Variants in HK1 observed in about 807,000 individuals in gnomAD.
HK1 encodes hexokinase 1.
In HK1, 28 loss-of-function variants were observed where a neutral mutation model predicts 91.6. That is an observed-to-expected ratio of 0.31 (90% CI 0.23 to 0.42). The LOEUF is 0.42. Ranked by LOEUF, HK1 falls within the 10% of genes least tolerant of loss-of-function variation. The pLI, the probability that HK1 is intolerant of heterozygous loss-of-function variation, is 1.00. For missense variants in HK1, 770 were observed against 1,219.8 expected, an observed-to-expected ratio of 0.63 and a Z score of 5.49; for synonymous variants, 430 against 468.1, an observed-to-expected ratio of 0.92 and a Z score of 1.05.
At chr10:69,309,726 G>A (rs1251201543) in intron 5 of HK1, among the ~76,000 whole-genome samples, 8 of 151,008 alleles carry the variant, frequency 5.3e-5, no homozygotes, top group African/African-American at 1.5e-4. Flanking sequence ...ACCTGAACCC[G>A]GGAGGCGGAA....
At chr10:69,317,041 G>T (rs573540178), upstream of HK1, among the ~76,000 whole-genome samples, 2 of 152,170 alleles carry the variant, frequency 1.3e-5, no homozygotes, top group Admixed American at 6.5e-5. Context: ...AGGTTTTGTT[G>T]GGCTTGAAAA....
chr10:69,389,466 T>TG, intron 14 of HK1, 170 bp downstream of exon 14: 6 of 192,912 alleles, frequency 3.1e-5, no homozygotes, highest in East Asian at 3.1e-4. Context: ...GCAGAGTCTC[T>TG]GGCGGGGGGA....
chr10:69,300,410 G>T (rs1244708387), intron 4 of HK1: 4 of 628,456 alleles, frequency 6.4e-6, no homozygotes, highest in East Asian at 3.1e-5. Context: ...CATTTTATTT[G>T]TAAATATGTA....
chr10:69,385,003 C>A, intron 12 of HK1, 88 bp downstream of exon 12: 1 of 1,417,064 alleles, frequency 7.1e-7, no homozygotes. Flanking sequence ...CTTCTCCAGC[C>A]TCAGTGTCAT....
chr10:69,281,012 A>T (rs1249537480), intron 1 of HK1, among the ~76,000 whole-genome samples: 1 of 152,052 alleles, frequency 6.6e-6, no homozygotes, highest in Non-Finnish European at 1.5e-5. Flanking sequence ...ATAGCTGCAG[A>T]CTCTTATCAG....
At chr10:69,370,546 C>T (rs1849945013) in intron 7 of HK1, among the ~76,000 whole-genome samples, 1 of 152,144 alleles carries the variant, frequency 6.6e-6, no homozygotes, top group Non-Finnish European at 1.5e-5. Context: ...TCATTCATCA[C>T]ATATTTATTG....
chr10:69,310,185 C>G (rs2132532475), intron 5 of HK1, among the ~76,000 whole-genome samples: 1 of 150,836 alleles, frequency 6.6e-6, no homozygotes, highest in East Asian at 2.0e-4. Flanking sequence ...CTTTGGGAGG[C>G]CAAGGCAGGC....
At chr10:69,272,155 C>A (rs116363311) in intron 1 of HK1, among the ~76,000 whole-genome samples, 32 of 152,220 alleles carry the variant, frequency 2.1e-4, no homozygotes, top group African/African-American at 7.5e-4. Flanking sequence ...TGAACCACTG[C>A]GCCTGACCCA....
At chr10:69,351,827 G>C (rs958393693) in intron 2 of HK1, among the ~76,000 whole-genome samples, 1 of 152,116 alleles carries the variant, frequency 6.6e-6, no homozygotes, top group Non-Finnish European at 1.5e-5. Flanking sequence ...GACTTCATAG[G>C]GTTGTGAAGA....
At chr10:69,351,995 ATT>A (rs201899030) in intron 2 of HK1, among the ~76,000 whole-genome samples, 35,940 of 145,604 alleles carry the variant, frequency 0.25, 5,142 homozygotes, top group South Asian at 0.42. Context: ...AGTTATTTCA[ATT>A]TTTTTTTTTT....
At chr10:69,279,633 T>G (rs1021041756) in intron 1 of HK1, among the ~76,000 whole-genome samples, 1 of 152,182 alleles carries the variant, frequency 6.6e-6, no homozygotes, top group Non-Finnish European at 1.5e-5. Flanking sequence ...GTGAAGTATT[T>G]AGTACCCATA....
intron 4 of HK1, among the ~76,000 whole-genome samples, chr10:69,295,944 C>G (rs1489681937): frequency 6.6e-6 from 1 of 152,140 alleles, no homozygotes; most frequent in African/African-American, 2.4e-5. Context: ...ATTGTCAGAG[C>G]CAAACACAAG....
intron 2 of HK1, among the ~76,000 whole-genome samples, chr10:69,284,553 C>T (rs958439269): frequency 2.6e-5 from 4 of 152,148 alleles, no homozygotes; most frequent in East Asian, 3.9e-4. Context: ...GTGGCTCACT[C>T]GTGTAATCCC....
Position 69,280,660 on chromosome 10 carries a change from G to A in HK1, c.-390-1869G>A, listed in dbSNP as rs564681951. Reference sequence around the variant, plus strand: ...GTCTGCCCCTTCTACCAGTGAGGACGGAGTAAGAAGGCTGTCTTTGAGAAA... The same window carrying A: ...GTCTGCCCCTTCTACCAGTGAGGACAGAGTAAGAAGGCTGTCTTTGAGAAA... On this transcript the variant is annotated intron_variant, in intron 1 of 21. Transcript: ENST00000360289. Among the ~76,000 whole-genome samples, 8 of 152,286 alleles carry A rather than the reference G, an allele frequency of 5.3e-5. No homozygotes were observed. In the South Asian group the frequency reaches 1.0e-3, roughly 20 times the overall value.
At chr10:69,360,780 G>C (rs11597178) in intron 3 of HK1, among the ~76,000 whole-genome samples, 1 of 152,156 alleles carries the variant, frequency 6.6e-6, no homozygotes, top group Non-Finnish European at 1.5e-5. Flanking sequence ...TCAGGGCTCA[G>C]GCAGCCCACT....
intron 4 of HK1, among the ~76,000 whole-genome samples, chr10:69,366,760 C>T (rs1189412966): frequency 6.6e-6 from 1 of 152,234 alleles, no homozygotes; most frequent in Non-Finnish European, 1.5e-5. Flanking sequence ...GGCCTGTTTT[C>T]AGTACAAGTT....
chr10:69,389,803 G>A lies in HK1; in HGVS notation c.2035+507G>A, dbSNP rs375319991. ...TTTGCCTTTAGCAGCCACTGTGTGC[G>A]CATGGTCCCAGCCACTGAAGGGGGT... On this transcript the variant is annotated intron_variant, in intron 14 of 17. Transcript: ENST00000359426. Among the ~76,000 whole-genome samples, 33 of 152,268 alleles carry A rather than the reference G, an allele frequency of 2.2e-4. No homozygotes were observed. In the South Asian group the frequency reaches 6.2e-3, roughly 29 times the overall value.
chr10:69,313,415 T>A (rs147130937), upstream of HK1, among the ~76,000 whole-genome samples: 496 of 152,350 alleles, frequency 3.3e-3, no homozygotes, highest in Admixed American at 8.1e-3. Context: ...TCCTGTGTGG[T>A]GTCACCTTTA....
chr10:69,278,569 G>T (rs982379628), intron 1 of HK1: 59 of 152,354 alleles, frequency 3.9e-4, no homozygotes, highest in African/African-American at 1.3e-3. Context: ...AACGTCCCGG[G>T]ATTGAAGCTT....
Sources: allele counts gnomAD v4.1 joint callset (sites outside exome capture counted in the v4.1 genomes callset), GRCh38; gene constraint gnomAD v4.1.1; transcripts MANE v1.5; gene names NCBI Gene and HGNC (gene_info 2026-07-23, HGNC 2026-07-21).